The following GALNT9 variants were observed in gnomAD, a reference collection of about 807,000 sequenced individuals.
GALNT9 encodes GalNAc transferase 9.
Under a neutral mutation model 63.1 loss-of-function variants are expected in GALNT9, and 47 were observed. That is an observed-to-expected ratio of 0.75 (90% CI 0.59 to 0.95). The LOEUF (loss-of-function observed/expected upper bound fraction) is 0.95, where lower values mean the gene tolerates loss of function less well. GALNT9 is among the 40% of genes least tolerant of loss of function. The pLI, the probability that GALNT9 is intolerant of heterozygous loss-of-function variation, is 0.00. For missense variants in GALNT9, 829 were observed against 874.8 expected (o/e 0.95, Z 0.66); for synonymous variants, 396 against 365.7 (o/e 1.08, Z -0.94).
intron 1 of GALNT9, among the ~76,000 whole-genome samples, chr12:132,289,841 G>C (rs1027539839): frequency 6.6e-6 from 1 of 152,306 alleles, no homozygotes; most frequent in African/African-American, 2.4e-5. Flanking sequence ...CCTGGCTGAG[G>C]GTCCTCCTTG....
chr12:132,302,466 G>C (rs1463044961), intron 1 of GALNT9, among the ~76,000 whole-genome samples: 2 of 152,182 alleles, frequency 1.3e-5, no homozygotes, highest in African/African-American at 2.4e-5. Flanking sequence ...TAACTTTGAT[G>C]GCTGCAAACA....
At chr12:132,299,475 G>A (rs369120858) in intron 1 of GALNT9, among the ~76,000 whole-genome samples, 1 of 123,792 alleles carries the variant, frequency 8.1e-6, no homozygotes, top group South Asian at 2.9e-4. Context: ...CCCCTGAGAT[G>A]ACCAAGCCAC....
chr12:132,209,008 G>A (rs184960978), intron 6 of GALNT9, among the ~76,000 whole-genome samples: 1 of 152,310 alleles, frequency 6.6e-6, no homozygotes, highest in African/African-American at 2.4e-5. Context: ...CCTGGTTTGG[G>A]TGACGATGCC....
intron 1 of GALNT9, among the ~76,000 whole-genome samples, chr12:132,295,923 CGGCCTCCG>C (rs1881047411): frequency 2.2e-5 from 1 of 44,990 alleles, no homozygotes; most frequent in Non-Finnish European, 4.1e-5. Flanking sequence ...CGAACAGGGA[CGGCCTCCG>C]AACAGGGACG....
At chr12:132,317,910 C>T (rs1433937657) in intron 1 of GALNT9, among the ~76,000 whole-genome samples, 4 of 152,176 alleles carry the variant, frequency 2.6e-5, no homozygotes, top group Non-Finnish European at 5.9e-5. Context: ...TCGAGGATGG[C>T]GTTTCAAAGA....
At chr12:132,270,931 G>C (rs1688371639) in intron 2 of GALNT9, among the ~76,000 whole-genome samples, 1 of 152,134 alleles carries the variant, frequency 6.6e-6, no homozygotes, top group African/African-American at 2.4e-5. Flanking sequence ...GCAAGGAGGA[G>C]ATGGAGCAGA....
chr12:132,273,605 A>ACC (rs1555240940), intron 2 of GALNT9: 3 of 152,538 alleles, frequency 2.0e-5, no homozygotes, highest in African/African-American at 7.2e-5. Flanking sequence ...ACAAATGCAA[A>ACC]CCGTTCAGCA....
At chr12:132,211,910 C>T (rs1253214950) in intron 6 of GALNT9, among the ~76,000 whole-genome samples, 2 of 152,228 alleles carry the variant, frequency 1.3e-5, no homozygotes, top group Non-Finnish European at 2.9e-5. Context: ...GCCCATGTGA[C>T]GGTTTTACAT....
intron 1 of GALNT9, among the ~76,000 whole-genome samples, chr12:132,325,529 C>T (rs1289620258): frequency 1.3e-5 from 2 of 152,234 alleles, no homozygotes; most frequent in African/African-American, 4.8e-5. Flanking sequence ...GCACCACACT[C>T]CAACCTTCTC....
rs142273175 is a variant in GALNT9 at position 132,308,857 on chromosome 12, C to T, written c.238+20109G>A. ...CCACGGGGCTCGGGATGGCCGCACT[C>T]ACGCCTTACCCACAGGGCTCGGGAT... On this transcript the variant is annotated intron_variant, in intron 1 of 10. Coordinates refer to ENST00000328957, the MANE Select transcript of GALNT9 (RefSeq NM_001122636.2). 7.7e-3 allele frequency among the ~76,000 whole-genome samples: 1,154 copies of T among 150,470 alleles called. 5 individuals are homozygous for T. Among genetic ancestry groups the T allele is most frequent in the Non-Finnish European group, 0.01 (704 of 67,330 alleles).
In GALNT9 at chr12:132,201,091, C is replaced by T. The variant is rs111570182; in HGVS notation, c.1401+33G>A. ...GCAGGAGTCAGGGCAGAAAGCCTGT[C>T]GGGCCGAACGGGGCCCTCGGGGGAG... On this transcript the variant is annotated intron_variant, in intron 8 of 10. Coordinates refer to ENST00000328957, the MANE Select transcript of GALNT9 (RefSeq NM_001122636.2). 7,530 of 1,602,730 alleles carry T rather than the reference C, an allele frequency of 4.7e-3. 286 individuals are homozygous for T. In the African/African-American group the frequency reaches 0.086, roughly 18 times the overall value.
At chr12:132,304,473 GCACACGCTCACCCAGA>G (rs1881479983) in intron 1 of GALNT9, among the ~76,000 whole-genome samples, 2 of 35,494 alleles carry the variant, frequency 5.6e-5, no homozygotes, top group Non-Finnish European at 5.0e-5. Flanking sequence ...CCTCGCCCGG[GCACACGCTCACCCAGA>G]CACACCCTTG....
intron 1 of GALNT9, among the ~76,000 whole-genome samples, chr12:132,293,111 G>C (rs188069142): frequency 6.6e-6 from 1 of 152,166 alleles, no homozygotes; most frequent in South Asian, 2.1e-4. Context: ...GGGCCGAGCC[G>C]GCCAGGCCTC....
At chr12:132,248,203 G>A (rs540680173) in intron 5 of GALNT9, among the ~76,000 whole-genome samples, 176 bp from the exon 6 acceptor site, 97 of 152,352 alleles carry the variant, frequency 6.4e-4, no homozygotes, top group African/African-American at 2.3e-3. Flanking sequence ...CAGCCACCAG[G>A]ACTTGAGTCC....
chr12:132,210,873 G>T (rs1278881224), intron 6 of GALNT9, among the ~76,000 whole-genome samples: 2 of 151,514 alleles, frequency 1.3e-5, no homozygotes, highest in African/African-American at 4.8e-5. Flanking sequence ...CCATCTGGAG[G>T]TCGCCGTCTG....
At chr12:132,269,213 C>T (rs1302991913) in intron 2 of GALNT9, among the ~76,000 whole-genome samples, 1 of 151,588 alleles carries the variant, frequency 6.6e-6, no homozygotes, top group Non-Finnish European at 1.5e-5. Context: ...CGGGAGGCAG[C>T]GTCACCTGCC....
At position 132,196,842 on chromosome 12, in the gene GALNT9, G is replaced by T. The variant is rs544306604; in HGVS notation, c.*265C>A. The T allele has an allele frequency of 7.0e-6, 9 of 1,287,598 alleles. No homozygotes were observed. In the African/African-American group the frequency reaches 1.2e-4, roughly 17 times the overall value. The allele number at this position is 1,287,598 out of a possible 1,614,324, so 79.8% of individuals were successfully genotyped here. The stretch of plus-strand genomic sequence containing the variant: ...CAGCAGCCTGGCCAGGAGATACCGT[G>T]GAGAAGGCACGTGTTTGAGTTGGCA... On this transcript the variant is annotated 3_prime_UTR_variant, in exon 11 of 11. Transcript: ENST00000328957.
At chr12:132,242,467 G>A (rs868926596) in intron 6 of GALNT9, among the ~76,000 whole-genome samples, 1 of 1,724 alleles carries the variant, frequency 5.8e-4, no homozygotes, top group East Asian at 0.031. Flanking sequence ...TTACACACAC[G>A]CCACACCCCC....
rs537750973 is a variant in GALNT9 at position 132,265,733 on chromosome 12, C to G, written c.420-3108G>C. ...TTCCCCAATCTCCAGCCAGTCAGCA[C>G]CCAAAGCCCACCAAGCTCTTAGCCA... On this transcript the variant is annotated intron_variant, in intron 2 of 10. Coordinates refer to ENST00000328957, the MANE Select transcript of GALNT9 (RefSeq NM_001122636.2). This position sits in a 1 kb window ranked among gnomAD's most constrained non-coding sequence, Gnocchi z 5.3. Among the ~76,000 whole-genome samples the G allele has an allele frequency of 6.6e-6, 1 of 152,344 alleles. No homozygotes were observed. The highest frequency in any genetic ancestry group is 6.5e-5 in the Admixed American group (1 of 15,302).
Sources: gnomAD v4.1 joint callset for allele counts (sites outside exome capture counted in the v4.1 genomes callset) on GRCh38, gnomAD v4.1.1 for gene constraint, Gnocchi (gnomAD v3.1) non-coding constraint, MANE v1.5 for transcripts, NCBI Gene and HGNC (gene_info 2026-07-23, HGNC 2026-07-21) for gene names.